The following SOS1 variants were observed in gnomAD, a reference collection of about 807,000 sequenced individuals.
SOS1 encodes the protein SOS Ras/Rac guanine nucleotide exchange factor 1.
SOS1 carries 25 observed loss-of-function variants against 157.6 expected under a neutral mutation model. The observed-to-expected ratio is 0.16, with a 90% confidence interval of 0.12 to 0.22. SOS1 has a LOEUF of 0.22. SOS1 is among the 10% of genes least tolerant of loss of function. The pLI is 1.00. For synonymous variants in SOS1, 528 were observed against 534.0 expected, an observed-to-expected ratio of 0.99 and a Z score of 0.16; for missense variants, 1,237 against 1,599.1, an observed-to-expected ratio of 0.77 and a Z score of 3.86.
intron 1 of SOS1, among the ~76,000 whole-genome samples, chr2:39,114,482 T>G (rs1416736241): frequency 6.6e-6 from 1 of 152,054 alleles, no homozygotes; most frequent in Non-Finnish European, 1.5e-5. Flanking sequence ...TTTGTATTTT[T>G]AGTAGAGATG....
At chr2:39,113,658 C>T (rs143492478) in intron 1 of SOS1, among the ~76,000 whole-genome samples, 1 of 152,248 alleles carries the variant, frequency 6.6e-6, no homozygotes, top group East Asian at 1.9e-4. Flanking sequence ...GTAATAGTAT[C>T]CTATGAGAAT....
chr2:39,119,799 C>G (rs1435141227), intron 1 of SOS1, among the ~76,000 whole-genome samples: 2 of 152,166 alleles, frequency 1.3e-5, no homozygotes, highest in South Asian at 2.1e-4. Context: ...TGCACCAGCC[C>G]CTGTTAATCG....
At chr2:39,047,817 A>C (rs1670845247) in intron 6 of SOS1, among the ~76,000 whole-genome samples, 1 of 86,338 alleles carries the variant, frequency 1.2e-5, no homozygotes, top group South Asian at 3.8e-4. Flanking sequence ...GCAGGCATGC[A>C]CCACTATGCC....
chr2:39,064,390 A>G (rs779783003), intron 2 of SOS1, among the ~76,000 whole-genome samples: 1 of 152,206 alleles, frequency 6.6e-6, no homozygotes, highest in Admixed American at 6.5e-5. Context: ...GGGCACAAAC[A>G]TTTGGACCAT....
At chr2:39,049,541 A>T (rs887760959) in intron 6 of SOS1, among the ~76,000 whole-genome samples, 1 of 152,200 alleles carries the variant, frequency 6.6e-6, no homozygotes, top group Non-Finnish European at 1.5e-5. Context: ...ATTATACAAA[A>T]TCAATTTCAT....
chr2:39,064,446 T>A (rs1287362470), intron 2 of SOS1, among the ~76,000 whole-genome samples: 1 of 152,186 alleles, frequency 6.6e-6, no homozygotes, highest in African/African-American at 2.4e-5. Context: ...AATTTTCCAT[T>A]TTCCTCATTG....
intron 1 of SOS1, among the ~76,000 whole-genome samples, chr2:39,090,987 G>A (rs1224861496): frequency 6.6e-6 from 1 of 152,054 alleles, no homozygotes; most frequent in Non-Finnish European, 1.5e-5. Flanking sequence ...TCCTGTTTCA[G>A]CCTCCCGAGT....
intron 8 of SOS1, among the ~76,000 whole-genome samples, chr2:39,029,745 T>G (rs920086205): frequency 6.6e-6 from 1 of 152,254 alleles, no homozygotes; most frequent in Non-Finnish European, 1.5e-5. Flanking sequence ...CGCTATCCTA[T>G]GTTTAACTTT....
chr2:38,990,473 C>G (rs544624979), intron 20 of SOS1, among the ~76,000 whole-genome samples: 119 of 152,224 alleles, frequency 7.8e-4, no homozygotes, highest in African/African-American at 2.7e-3. Flanking sequence ...TATTAGCCAC[C>G]TATAATTGAA....
chr2:38,986,107 T>C lies in SOS1; in HGVS notation c.3719A>G (p.Lys1240Arg). 1.9e-6 allele frequency: 3 copies of C among 1,613,808 alleles called. No homozygotes were observed. The highest frequency in any genetic ancestry group is 2.5e-6 in the Non-Finnish European group (3 of 1,179,862). ...PLHLQPPPLGKKSDHGNAFFP... is the reference protein window; with the variant it reads ...PLHLQPPPLGRKSDHGNAFFP... ...GAAGGCATTGCCATGGTCACTTTTT[T>C]TGCCCAAAGGGGGAGGTTGGAGATG... The change falls in exon 23 of 23, where the codon AAA becomes AGA. Residue 1240 changes from lysine (K) to arginine (R), a missense_variant. Coordinates refer to ENST00000402219, the MANE Select transcript of SOS1 (RefSeq NM_005633.4).
intron 1 of SOS1, among the ~76,000 whole-genome samples, chr2:39,103,391 A>G (rs1171576227): frequency 6.6e-6 from 1 of 152,192 alleles, no homozygotes; most frequent in Admixed American, 6.5e-5. Flanking sequence ...ACACTTTCTG[A>G]CTTCAGAACT....
intron 2 of SOS1, among the ~76,000 whole-genome samples, chr2:39,062,471 A>G (rs1244599296): frequency 2.7e-5 from 4 of 150,252 alleles, no homozygotes; most frequent in African/African-American, 4.9e-5. Context: ...GAAAGAAATT[A>G]TAAGGATTCT....
chr2:39,046,841 G>T (rs959741770), intron 6 of SOS1, among the ~76,000 whole-genome samples: 7 of 152,202 alleles, frequency 4.6e-5, no homozygotes, highest in African/African-American at 1.7e-4. Context: ...TATATTTCTT[G>T]ACTTCCCTTT....
intron 1 of SOS1, among the ~76,000 whole-genome samples, chr2:39,092,320 G>A (rs1672625591): frequency 6.6e-6 from 1 of 152,058 alleles, no homozygotes; most frequent in South Asian, 2.1e-4. Context: ...CCCCAAGCTT[G>A]TCTTGCTTCA....
At chr2:39,123,806 T>C (rs1673979936), upstream of SOS1, among the ~76,000 whole-genome samples, 3 of 152,238 alleles carry the variant, frequency 2.0e-5, no homozygotes, top group Admixed American at 2.0e-4. Flanking sequence ...TAATCAACGT[T>C]GTTTCCAGAA....
At position 38,984,268 on chromosome 2, in the gene SOS1, A is replaced by T. The variant is rs1459507357; in HGVS notation, c.*1556T>A. 2.0e-5 allele frequency: 3 copies of T among 152,182 alleles called. No individual in the cohort carries two copies. Among genetic ancestry groups the T allele is most frequent in the Middle Eastern group, 3.2e-3 (1 of 316 alleles). 9.4% of individuals were successfully genotyped at this position (152,182 alleles called of 1,614,324 possible). A position where few individuals can be genotyped will look rare whatever the true frequency, so the allele number is the denominator to read the frequency against. On this transcript the variant is annotated 3_prime_UTR_variant, in exon 23 of 23. Transcript: ENST00000402219. ...ACATTTCACAGACATTATAGTGGAG[A>T]TTAATAAAATGTTTTCTCTTCAACA... is the stretch of plus-strand genomic sequence containing the variant.
In SOS1 at chr2:39,033,805, G is replaced by A. The variant is rs60197528; in HGVS notation, c.1074+1407C>T. On this transcript the variant is annotated intron_variant, in intron 8 of 22. Coordinates refer to ENST00000402219, the MANE Select transcript of SOS1 (RefSeq NM_005633.4). ...TCCTGTCTTAGCCTCCCAAAGTGCT[G>A]GAACTACAGGCGTGTGCCAACACAC... Among the ~76,000 whole-genome samples the A allele has an allele frequency of 3.7e-3, 565 of 152,210 alleles. 5 individuals carry two copies. Among genetic ancestry groups the A allele is most frequent in the African/African-American group, 0.013 (535 of 41,522 alleles).
At chr2:39,072,660 TTTTA>T (rs1247992764) in intron 1 of SOS1, among the ~76,000 whole-genome samples, 5 of 152,204 alleles carry the variant, frequency 3.3e-5, no homozygotes, top group Non-Finnish European at 5.9e-5. Flanking sequence ...TCATATTCAG[TTTTA>T]TTTATTGATG....
At chr2:39,027,345 A>G (rs1223001744) in intron 8 of SOS1, among the ~76,000 whole-genome samples, 4 of 152,250 alleles carry the variant, frequency 2.6e-5, no homozygotes, top group African/African-American at 7.2e-5. Context: ...AAAAATGTTA[A>G]TATTTTAAAA....
Sources: gnomAD v4.1 joint callset for allele counts (sites outside exome capture counted in the v4.1 genomes callset) on GRCh38, gnomAD v4.1.1 for gene constraint, MANE v1.5 for transcripts, NCBI Gene and HGNC (gene_info 2026-07-23, HGNC 2026-07-21) for gene names.